The following RMDN2 variants were observed in gnomAD, a reference collection of about 807,000 sequenced individuals.
RMDN2 encodes regulator of microtubule dynamics protein 2.
A neutral mutation model predicts 52.8 loss-of-function variants in RMDN2; 61 were observed. The observed-to-expected ratio is 1.16, with a 90% CI of 0.94 to 1.43. The LOEUF (loss-of-function observed/expected upper bound fraction) is 1.43. Ranked by LOEUF, RMDN2 falls within the 40% of genes most tolerant of loss-of-function variation. The pLI, the probability that RMDN2 is intolerant of heterozygous loss-of-function variation, is 0.00. For synonymous variants in RMDN2, 180 were observed against 153.1 expected, an observed-to-expected ratio of 1.18 and a Z score of -1.30; for missense variants, 592 against 475.3, an observed-to-expected ratio of 1.25 and a Z score of -2.28.
intron 10 of RMDN2, among the ~76,000 whole-genome samples, chr2:38,050,893 C>T (rs1681555275): frequency 6.6e-6 from 1 of 152,162 alleles, no homozygotes; most frequent in African/African-American, 2.4e-5. Context: ...CACGTGGTAG[C>T]TGGGATTACA....
intron 2 of RMDN2, among the ~76,000 whole-genome samples, chr2:37,958,217 T>A (rs952263498): frequency 2.0e-5 from 3 of 152,236 alleles, no homozygotes; most frequent in African/African-American, 7.2e-5. Context: ...TAGCATTAAA[T>A]CTATAAATTA....
intron 10 of RMDN2, among the ~76,000 whole-genome samples, chr2:38,006,165 A>G (rs2125202865): frequency 6.6e-6 from 1 of 152,338 alleles, no homozygotes; most frequent in Non-Finnish European, 1.5e-5. Flanking sequence ...CTTTTGGCTT[A>G]GGATTGACTT....
At chr2:38,058,601 G>GA (rs1186678861) in intron 10 of RMDN2, among the ~76,000 whole-genome samples, 1 of 152,212 alleles carries the variant, frequency 6.6e-6, no homozygotes, top group African/African-American at 2.4e-5. Context: ...CCATAGCTTT[G>GA]AATTTCCTTG....
intron 7 of RMDN2, among the ~76,000 whole-genome samples, chr2:37,993,939 C>T (rs1675166317): frequency 6.6e-6 from 1 of 152,194 alleles, no homozygotes; most frequent in Non-Finnish European, 1.5e-5. Context: ...TGTACATTAC[C>T]TGTCTAGACT....
chr2:37,997,445 A>G lies in RMDN2; in HGVS notation c.975A>G (p.Lys325=). 6.2e-7 allele frequency: 1 copy of G among 1,613,836 alleles called. No homozygotes were observed. Among genetic ancestry groups the G allele is most frequent in the Non-Finnish European group, 8.5e-7 (1 of 1,179,806 alleles). Residue 325 remains lysine, a synonymous_variant, in exon 8 of 11, where the codon AAA becomes AAG. Coordinates refer to ENST00000354545, the MANE Select transcript of RMDN2 (RefSeq NM_001170791.3). ...CAAAACTGAGCTGGATTGAGAAAAA[A>G]ATGGCTGCTACTCTGTTTGGAAAAA... ...TVSKLSWIEK[K]MAATLFGKIP...
At chr2:38,018,141 G>A (rs181429629), downstream of RMDN2, among the ~76,000 whole-genome samples, 52 of 152,306 alleles carry the variant, frequency 3.4e-4, no homozygotes, top group African/African-American at 8.9e-4. Context: ...CCACCTGGAC[G>A]TATAATGCAG....
chr2:37,929,799 C>A, intron 2 of RMDN2, 70 bp downstream of exon 2: 1 of 1,044,446 alleles, frequency 9.6e-7, no homozygotes, highest in Non-Finnish European at 1.4e-6. Flanking sequence ...TAGGTATTTT[C>A]ATTATGGGTT....
chr2:38,050,520 T>C (rs1460187759), intron 10 of RMDN2, among the ~76,000 whole-genome samples: 1 of 152,138 alleles, frequency 6.6e-6, no homozygotes, highest in African/African-American at 2.4e-5. Flanking sequence ...AGGGACTATG[T>C]GCTTGCTGCC....
intron 2 of RMDN2, among the ~76,000 whole-genome samples, chr2:37,932,035 A>C (rs913378484): frequency 6.6e-6 from 1 of 152,148 alleles, no homozygotes; most frequent in South Asian, 2.1e-4. Context: ...AAGGAATAAG[A>C]TACAAAAAAT....
chr2:38,050,208 A>C (rs1413602876), intron 10 of RMDN2, among the ~76,000 whole-genome samples: 1 of 152,096 alleles, frequency 6.6e-6, no homozygotes, highest in Non-Finnish European at 1.5e-5. Context: ...ATGGCCCCAC[A>C]TGATGTGCCT....
At chr2:37,927,430 C>A (rs1326785910) in intron 1 of RMDN2, among the ~76,000 whole-genome samples, 1 of 152,134 alleles carries the variant, frequency 6.6e-6, no homozygotes, top group African/African-American at 2.4e-5. Flanking sequence ...TGGTGCAGTT[C>A]CTAAAGAAAG....
chr2:38,055,111 A>G (rs542256535), intron 10 of RMDN2, among the ~76,000 whole-genome samples: 2 of 151,902 alleles, frequency 1.3e-5, no homozygotes, highest in African/African-American at 2.4e-5. Context: ...CTCCTTCTCT[A>G]TTTCCTCAGT....
chr2:37,974,607 A>G (rs1214959365), intron 3 of RMDN2: 1 of 151,648 alleles, frequency 6.6e-6, no homozygotes, highest in Non-Finnish European at 1.5e-5. Context: ...TCTGAATAAG[A>G]AAAGCCTGTC....
chr2:38,039,079 CACACACACACACACAG>C (rs771805572), intron 10 of RMDN2, among the ~76,000 whole-genome samples: 2,131 of 83,322 alleles, frequency 0.026, 62 homozygotes, highest in African/African-American at 0.11. Flanking sequence ...CACACACACA[CACACACACACACACAG>C]AGAGAGAGAT....
chr2:38,015,443 T>C (rs1573109280), intron 10 of RMDN2, among the ~76,000 whole-genome samples: 1 of 151,892 alleles, frequency 6.6e-6, no homozygotes, highest in East Asian at 1.9e-4. Context: ...CACGTGCCTG[T>C]AGCCCCAGCT....
intron 10 of RMDN2, chr2:38,030,658 C>T (rs1680130881): frequency 6.6e-6 from 1 of 152,112 alleles, no homozygotes; most frequent in Non-Finnish European, 1.5e-5. Context: ...TTACCACATC[C>T]AGTATTTCAG....
intron 4 of RMDN2, among the ~76,000 whole-genome samples, chr2:37,980,286 A>G (rs1047239832): frequency 6.6e-6 from 1 of 152,054 alleles, no homozygotes; most frequent in African/African-American, 2.4e-5. Context: ...ACAAACCTCT[A>G]TCCAAATTAT....
At chr2:38,036,076 C>T (rs1680558623) in intron 10 of RMDN2, 1 of 152,044 alleles carries the variant, frequency 6.6e-6, no homozygotes, top group South Asian at 2.1e-4. Flanking sequence ...GGCACATACT[C>T]ATGGGAACCC....
downstream of RMDN2, among the ~76,000 whole-genome samples, chr2:38,018,987 A>G (rs1363196279): frequency 6.6e-6 from 1 of 152,220 alleles, no homozygotes; most frequent in African/African-American, 2.4e-5. Flanking sequence ...CATCTTCTAT[A>G]ATGATCAGTC....
Sources: allele counts gnomAD v4.1 joint callset (sites outside exome capture counted in the v4.1 genomes callset), GRCh38; gene constraint gnomAD v4.1.1; transcripts MANE v1.5; gene names NCBI Gene and HGNC (gene_info 2026-07-23, HGNC 2026-07-21).